NPAS3: variants seen among roughly 807,000 people sequenced by gnomAD.
The protein encoded by NPAS3 is neuronal PAS domain protein 3.
A neutral mutation model predicts 73.1 loss-of-function variants in NPAS3; 14 were observed. The observed-to-expected ratio is 0.19, with a 90% confidence interval of 0.13 to 0.30. The LOEUF is 0.30. Among genes scored for constraint, NPAS3 ranks in the 10% least tolerant of loss-of-function variants. NPAS3 has a pLI of 1.00. For missense variants in NPAS3, 1,096 were observed against 1,250.0 expected (o/e 0.88, Z 1.86); for synonymous variants, 620 against 541.5 (o/e 1.14, Z -2.01).
chr14:33,174,434 A>G (rs1157666432), intron 2 of NPAS3, among the ~76,000 whole-genome samples: 1 of 152,242 alleles, frequency 6.6e-6, no homozygotes, highest in Non-Finnish European at 1.5e-5. Context: ...TGATTTTGAA[A>G]ATAGTACCAT....
chr14:33,718,718 C>T (rs78470670), intron 6 of NPAS3, among the ~76,000 whole-genome samples: 8,969 of 152,236 alleles, frequency 0.059, 341 homozygotes, highest in South Asian at 0.19. Context: ...AACTTTACCT[C>T]CACGTGGATT....
chr14:33,112,012 T>C (rs2042912600), intron 2 of NPAS3, among the ~76,000 whole-genome samples: 1 of 152,218 alleles, frequency 6.6e-6, no homozygotes, highest in Non-Finnish European at 1.5e-5. Flanking sequence ...TCATTTTTTA[T>C]GGCTGCATAG....
intron 5 of NPAS3, among the ~76,000 whole-genome samples, chr14:33,674,690 G>A (rs1401295120): frequency 6.6e-6 from 1 of 152,188 alleles, no homozygotes; most frequent in South Asian, 2.1e-4. Context: ...GGAGGAGAGT[G>A]CAATTTAATA....
At chr14:33,499,623 T>C (rs975179592) in intron 4 of NPAS3, among the ~76,000 whole-genome samples, 1 of 151,948 alleles carries the variant, frequency 6.6e-6, no homozygotes, top group Non-Finnish European at 1.5e-5. Flanking sequence ...TACATCAGCA[T>C]GTTTTTGATC....
At chr14:33,572,705 T>A (rs1339177557) in intron 5 of NPAS3, among the ~76,000 whole-genome samples, 8 of 152,174 alleles carry the variant, frequency 5.3e-5, no homozygotes, top group African/African-American at 1.9e-4. Context: ...CATGGTACAA[T>A]TAAGCATCCT....
chr14:33,484,856 G>A (rs1468116871), intron 4 of NPAS3, among the ~76,000 whole-genome samples: 1 of 152,116 alleles, frequency 6.6e-6, no homozygotes. Context: ...AAGGTGAGGG[G>A]AATTGCAACC....
At chr14:33,091,238 G>T (rs1459377401) in intron 2 of NPAS3, among the ~76,000 whole-genome samples, 2 of 152,074 alleles carry the variant, frequency 1.3e-5, no homozygotes, top group East Asian at 1.9e-4. Context: ...TTGATAGACT[G>T]CCAGCAAGGC....
chr14:33,725,726 T>G (rs1392176186), intron 6 of NPAS3, among the ~76,000 whole-genome samples: 2 of 152,134 alleles, frequency 1.3e-5, no homozygotes, highest in Non-Finnish European at 2.9e-5. Context: ...GCCACTGTCC[T>G]GGCTCCCATC....
At chr14:33,459,240 T>C (rs1023097295) in intron 4 of NPAS3, among the ~76,000 whole-genome samples, 3 of 152,186 alleles carry the variant, frequency 2.0e-5, no homozygotes, top group Non-Finnish European at 4.4e-5. Context: ...CATCTCATCC[T>C]GTGACTTTGA....
At chr14:33,018,541 T>A (rs1016810538) in intron 1 of NPAS3, among the ~76,000 whole-genome samples, 4 of 152,348 alleles carry the variant, frequency 2.6e-5, no homozygotes, top group African/African-American at 9.6e-5. Flanking sequence ...AGAGACTGAA[T>A]CTTTGAAAAG....
intron 3 of NPAS3, among the ~76,000 whole-genome samples, chr14:33,323,079 C>A (rs2043530438): frequency 6.6e-6 from 1 of 152,134 alleles, no homozygotes; most frequent in African/African-American, 2.4e-5. Flanking sequence ...TTTAAGTTTG[C>A]CTGGCTTACA....
intron 7 of NPAS3, among the ~76,000 whole-genome samples, chr14:33,771,273 T>G (rs2062642563): frequency 6.6e-6 from 1 of 152,188 alleles, no homozygotes; most frequent in Non-Finnish European, 1.5e-5. Flanking sequence ...AATTGTGGGA[T>G]CTAACAGATA....
At chr14:33,094,916 T>G (rs892504158) in intron 2 of NPAS3, among the ~76,000 whole-genome samples, 9 of 152,260 alleles carry the variant, frequency 5.9e-5, no homozygotes, top group Non-Finnish European at 1.3e-4. Context: ...GTATCTTGTT[T>G]TCACTATGTA....
intron 3 of NPAS3, among the ~76,000 whole-genome samples, chr14:33,256,046 G>A (rs941361246): frequency 6.6e-6 from 1 of 152,098 alleles, no homozygotes; most frequent in African/African-American, 2.4e-5. Context: ...TTCCTGTTTT[G>A]TTAGAATAAG....
chr14:33,101,154 C>T (rs1352535252), intron 2 of NPAS3, among the ~76,000 whole-genome samples: 1 of 152,174 alleles, frequency 6.6e-6, no homozygotes, highest in Non-Finnish European at 1.5e-5. Flanking sequence ...CACCTGCACA[C>T]ACACTGACAT....
chr14:33,399,094 C>T (rs2047342723), intron 4 of NPAS3, among the ~76,000 whole-genome samples: 1 of 152,044 alleles, frequency 6.6e-6, no homozygotes, highest in South Asian at 2.1e-4. Flanking sequence ...CCAAAGGACA[C>T]ACCATAATGT....
At chr14:33,277,954 C>CGTTGCAGAGGTTCGG (rs1483435559) in intron 3 of NPAS3, among the ~76,000 whole-genome samples, 1 of 152,096 alleles carries the variant, frequency 6.6e-6, no homozygotes, top group East Asian at 1.9e-4. Context: ...TTCAGAGGAC[C>CGTTGCAGAGGTTCGG]GTTGCAGAGG....
rs547998933 is a variant in NPAS3 at position 33,564,518 on chromosome 14, G to A, written c.558+4308G>A. Among the ~76,000 whole-genome samples, 193 of 152,296 alleles carry A rather than the reference G, an allele frequency of 1.3e-3. 1 individual carries two copies. In the Middle Eastern group the frequency reaches 0.014, roughly 11 times the overall value. Reference sequence around the variant, plus strand: ...AGCCATAGCTGTGCGGAAGACCATCGGAGAGCGATGTTCTGTTCCCGCATC... The same window carrying A: ...AGCCATAGCTGTGCGGAAGACCATCAGAGAGCGATGTTCTGTTCCCGCATC... On this transcript the variant is annotated intron_variant, in intron 5 of 11. Coordinates refer to ENST00000356141, the Ensembl canonical transcript of NPAS3.
At chr14:33,012,272 A>G (rs1248648781) in intron 1 of NPAS3, among the ~76,000 whole-genome samples, 2 of 152,106 alleles carry the variant, frequency 1.3e-5, no homozygotes, top group Non-Finnish European at 2.9e-5. Flanking sequence ...GTAGAGTGGA[A>G]GAGAATTGAG....
Sources: allele counts gnomAD v4.1 joint callset (sites outside exome capture counted in the v4.1 genomes callset), GRCh38; gene constraint gnomAD v4.1.1; transcripts MANE v1.5; gene names NCBI Gene and HGNC (gene_info 2026-07-23, HGNC 2026-07-21).